ANKRD44: variants seen among roughly 807,000 people sequenced by gnomAD.
ANKRD44 encodes serine/threonine-protein phosphatase 6 regulatory ankyrin repeat subunit B.
Under a neutral mutation model 116.0 loss-of-function variants are expected in ANKRD44, and 35 were observed. The observed-to-expected ratio is 0.30, with a 90% CI of 0.23 to 0.40. The LOEUF (loss-of-function observed/expected upper bound fraction) is 0.40. ANKRD44 is among the 10% of genes least tolerant of loss of function. The probability of loss-of-function intolerance (pLI) is 1.00; values close to 1 mark genes in which losing one functional copy is unlikely to be tolerated. For missense variants in ANKRD44, 1,014 were observed against 1,242.6 expected, an observed-to-expected ratio of 0.82 and a Z score of 2.77; for synonymous variants, 435 against 461.8, an observed-to-expected ratio of 0.94 and a Z score of 0.74.
intron 16 of ANKRD44, among the ~76,000 whole-genome samples, chr2:197,055,069 T>C (rs1417702902): frequency 2.6e-5 from 4 of 152,204 alleles, no homozygotes; most frequent in African/African-American, 9.6e-5. Context: ...TTCTAACCTA[T>C]AACACTGTAA....
intron 2 of ANKRD44, among the ~76,000 whole-genome samples, chr2:197,172,766 A>G (rs973899433): frequency 4.6e-5 from 7 of 152,178 alleles, no homozygotes; most frequent in South Asian, 2.1e-4. Flanking sequence ...GGGTTTCACC[A>G]TGTTGCTTAG....
At chr2:196,978,078 G>C (rs990347327) in intron 21 of ANKRD44, among the ~76,000 whole-genome samples, 1 of 152,194 alleles carries the variant, frequency 6.6e-6, no homozygotes, top group Non-Finnish European at 1.5e-5. Flanking sequence ...TTGGATGTTT[G>C]TTCCCTCCAA....
intron 15 of ANKRD44, 77 bp from the exon 16 acceptor site, chr2:197,078,891 T>A: frequency 3.5e-6 from 5 of 1,443,218 alleles, no homozygotes; most frequent in South Asian, 1.3e-5. Flanking sequence ...AATCCTCCTA[T>A]TACGAACGTT....
chr2:197,096,363 G>C (rs1035995924), intron 10 of ANKRD44, among the ~76,000 whole-genome samples: 1 of 152,042 alleles, frequency 6.6e-6, no homozygotes, highest in Non-Finnish European at 1.5e-5. Flanking sequence ...CTGCTGTTGA[G>C]GCAGAAAAAG....
At chr2:197,305,473 A>G (rs2084040790) in intron 1 of ANKRD44, among the ~76,000 whole-genome samples, 1 of 152,206 alleles carries the variant, frequency 6.6e-6, no homozygotes, top group African/African-American at 2.4e-5. Context: ...AAAAATTCAC[A>G]TTATCTTGTA....
chr2:197,023,952 T>A (rs2076544235), intron 17 of ANKRD44, among the ~76,000 whole-genome samples: 1 of 152,186 alleles, frequency 6.6e-6, no homozygotes, highest in African/African-American at 2.4e-5. Flanking sequence ...AAAATGCATG[T>A]GTGTATGAGC....
chr2:197,061,067 T>C (rs2077302337), intron 16 of ANKRD44, among the ~76,000 whole-genome samples: 2 of 152,236 alleles, frequency 1.3e-5, no homozygotes, highest in Non-Finnish European at 2.9e-5. Flanking sequence ...CTGGACTATA[T>C]GGTAGTCCTA....
At chr2:197,015,766 G>C in intron 17 of ANKRD44, 1 of 528,358 alleles carries the variant, frequency 1.9e-6, no homozygotes, top group Non-Finnish European at 3.5e-6. Context: ...TGGTGGACCA[G>C]GATATAGAAA....
At chr2:197,059,815 ATAAAC>A (rs1223596283) in intron 16 of ANKRD44, among the ~76,000 whole-genome samples, 2 of 152,228 alleles carry the variant, frequency 1.3e-5, no homozygotes, top group Non-Finnish European at 2.9e-5. Context: ...CAAAAGAAAA[ATAAAC>A]CATCATGAAA....
At chr2:197,240,450 T>G (rs1407142219) in intron 1 of ANKRD44, among the ~76,000 whole-genome samples, 1 of 150,106 alleles carries the variant, frequency 6.7e-6, no homozygotes, top group Non-Finnish European at 1.5e-5. Flanking sequence ...CTTCTACCAC[T>G]AAGCTCTTGG....
At chr2:197,200,998 T>C (rs1279845691) in intron 1 of ANKRD44, among the ~76,000 whole-genome samples, 2 of 152,258 alleles carry the variant, frequency 1.3e-5, no homozygotes, top group Admixed American at 6.5e-5. Flanking sequence ...TAGTATGCCT[T>C]GAGACTGAAT....
At chr2:196,968,560 T>G (rs948361005) in intron 21 of ANKRD44, among the ~76,000 whole-genome samples, 1 of 152,152 alleles carries the variant, frequency 6.6e-6, no homozygotes, top group Non-Finnish European at 1.5e-5. Context: ...GAAAGGAGGA[T>G]GATGCACAGC....
chr2:197,188,896 A>G (rs1043786923), intron 1 of ANKRD44, among the ~76,000 whole-genome samples: 3 of 152,184 alleles, frequency 2.0e-5, no homozygotes, highest in Non-Finnish European at 2.9e-5. Flanking sequence ...CTAAGGATAT[A>G]ATACATTCAG....
chr2:196,988,111 C>T lies in ANKRD44; in HGVS notation c.*1480G>A, dbSNP rs2075859987. The T allele has an allele frequency of 7.1e-6, 7 of 985,232 alleles. No individual in the cohort carries two copies. The South Asian group carries it at 3.3e-4, about 46-fold the overall frequency. 61.0% of individuals were successfully genotyped at this position (985,232 alleles called of 1,614,324 possible). On this transcript the variant is annotated 3_prime_UTR_variant, in exon 28 of 28. Coordinates refer to ENST00000282272, the MANE Select transcript of ANKRD44 (RefSeq NM_001195144.2). ...AAACGCAGCTCCATGGAGATAACGT[C>T]TCATGGTGAGTCACTGCTTTGCTGA...
At chr2:197,194,271 A>T (rs1171012508) in intron 1 of ANKRD44, among the ~76,000 whole-genome samples, 2 of 152,192 alleles carry the variant, frequency 1.3e-5, no homozygotes, top group African/African-American at 2.4e-5. Flanking sequence ...TGTACTCAGA[A>T]GTCTAATCTA....
At chr2:197,089,487 T>C (rs894163200) in intron 11 of ANKRD44, among the ~76,000 whole-genome samples, 3 of 152,208 alleles carry the variant, frequency 2.0e-5, no homozygotes, top group Non-Finnish European at 2.9e-5. Flanking sequence ...TTAAACCTAG[T>C]TGGAGGAAAT....
intron 1 of ANKRD44, among the ~76,000 whole-genome samples, chr2:197,258,270 CTTT>C (rs71395680): frequency 1.3e-5 from 1 of 79,224 alleles, no homozygotes. Context: ...TTGGCTAATC[CTTT>C]TTTTTTTTTT....
At chr2:196,971,438 C>A (rs1428504938) in intron 21 of ANKRD44, among the ~76,000 whole-genome samples, 1 of 152,108 alleles carries the variant, frequency 6.6e-6, no homozygotes, top group African/African-American at 2.4e-5. Context: ...CTCACTGCAA[C>A]CTTCCCCTCC....
intron 1 of ANKRD44, chr2:197,296,281 G>A (rs919210307): frequency 6.6e-6 from 1 of 152,090 alleles, no homozygotes; most frequent in Admixed American, 6.6e-5. Flanking sequence ...TCAGCCACTA[G>A]GACCTTTTGA....
Sources: gnomAD v4.1 joint callset for allele counts (sites outside exome capture counted in the v4.1 genomes callset) on GRCh38, gnomAD v4.1.1 for gene constraint, MANE v1.5 for transcripts, NCBI Gene and HGNC (gene_info 2026-07-23, HGNC 2026-07-21) for gene names.